HUWE1: variants seen among roughly 807,000 people sequenced by gnomAD.
The protein encoded by HUWE1 is E3 ubiquitin-protein ligase HUWE1.
A neutral mutation model predicts 299.4 loss-of-function variants in HUWE1; 18 were observed. The observed-to-expected ratio is 0.06, with a 90% CI of 0.04 to 0.09. HUWE1 has a LOEUF of 0.09. Among genes scored for constraint, HUWE1 ranks in the 10% least tolerant of loss-of-function variants. The pLI is 1.00. For missense variants in HUWE1, 1,832 were observed against 3,462.3 expected (o/e 0.53, Z 11.82); for synonymous variants, 1,317 against 1,286.1 (o/e 1.02, Z -0.51).
At chrX:53,684,459 G>A (rs1456347641) in intron 2 of HUWE1, among the ~76,000 whole-genome samples, 1 of 112,191 alleles carries the variant, frequency 8.9e-6, no homozygotes, top group African/African-American at 3.2e-5. Flanking sequence ...ACCTCGCGAT[G>A]ACACAGCTCA....
chrX:53,643,499 A>G (rs1037611685), intron 7 of HUWE1, among the ~76,000 whole-genome samples: 6 of 110,858 alleles, frequency 5.4e-5, no homozygotes, highest in Non-Finnish European at 1.1e-4. Flanking sequence ...ACAAGTGCCC[A>G]CCACCACGTC....
chrX:53,679,901 A>G (rs1272092517), intron 3 of HUWE1, 148 bp downstream of exon 3: 30 of 288,607 alleles, frequency 1.0e-4, no homozygotes, highest in Non-Finnish European at 1.6e-4. Flanking sequence ...CTCCACTTTA[A>G]AAAAAGAAGC....
At position 53,632,572 on chromosome X, in the gene HUWE1, TAAAGCACATC is replaced by T. The variant is rs1569502797; in HGVS notation, c.568-18_568-9del. 1 of 1,147,533 alleles carries T rather than the reference TAAAGCACATC, an allele frequency of 8.7e-7. No homozygotes were observed. Among genetic ancestry groups the T allele is most frequent in the Admixed American group, 2.2e-5 (1 of 45,977 alleles). 94.6% of individuals were successfully genotyped at this position (1,147,533 alleles called of 1,213,427 possible). ...TGCACTGGGTGGATATTTCTGTGTA[TAAAGCACATC>T]AAAGAATCAGACATTGAGTTTCAAC... On this transcript the variant is annotated splice_polypyrimidine_tract_variant and intron_variant, in intron 8 of 83. Coordinates refer to ENST00000262854, the MANE Select transcript of HUWE1 (RefSeq NM_031407.7).
Position 53,554,655 on chromosome X carries a change from C to T in HUWE1, c.8472G>A (p.Glu2824=). The change falls in exon 61 of 84, where the codon GAG becomes GAA. Residue 2824 remains glutamate, a synonymous_variant. Transcript: ENST00000262854. ...CACTTATAGTGGGAGCTGGGGATAACTCCATCTGAGTTGTTTCTGCTTCCC... is the reference window on the plus strand; with the variant it reads ...CACTTATAGTGGGAGCTGGGGATAATTCCATCTGAGTTGTTTCTGCTTCCC... ...PSGEAETTQM[E]LSPAPTITSL... is the part of the protein sequence containing the mutation. The T allele has an allele frequency of 8.3e-7, 1 of 1,211,188 alleles. No individual in the cohort carries two copies. The highest frequency in any genetic ancestry group is 1.1e-6 in the Non-Finnish European group (1 of 895,349).
intron 74 of HUWE1, among the ~76,000 whole-genome samples, chrX:53,541,247 G>A (rs2147039708): frequency 8.9e-6 from 1 of 112,089 alleles, no homozygotes; most frequent in African/African-American, 3.2e-5. Context: ...AAAGAGGTTT[G>A]CCTCAGGTCC....
At chrX:53,546,984 G>T (rs782772033) in intron 68 of HUWE1, among the ~76,000 whole-genome samples, 159 bp from the exon 69 acceptor site, 29 of 112,129 alleles carry the variant, frequency 2.6e-4, no homozygotes, top group South Asian at 1.9e-3. Flanking sequence ...AATGACTTGG[G>T]ATGATAAAGG....
At position 53,589,662 on chromosome X, in the gene HUWE1, T is replaced by C; in HGVS notation, c.4346A>G (p.His1449Arg). The change falls in exon 36 of 84, where the codon CAC becomes CGC. Residue 1449 changes from histidine to arginine, a missense_variant. His to Arg is a conservative substitution (Grantham distance 29). Transcript: ENST00000262854. ...TGTGTCTGGCAGCTCATCAAGAAGG[T>C]GGAAGCAGCCTGGCAACATAGTATC... ...FTDTMLPGCF[H>R]LLDELPDTVY... is the part of the protein sequence containing the mutation. 8.3e-7 allele frequency: 1 copy of C among 1,211,573 alleles called. No homozygotes were observed. The highest frequency in any genetic ancestry group is 1.1e-6 in the Non-Finnish European group (1 of 895,423).
At chrX:53,667,148 C>G (rs1167444411) in intron 3 of HUWE1, among the ~76,000 whole-genome samples, 1 of 112,244 alleles carries the variant, frequency 8.9e-6, no homozygotes, top group Non-Finnish European at 1.9e-5. Context: ...AAGAGAATTA[C>G]AACTTCCTCA....
intron 25 of HUWE1, among the ~76,000 whole-genome samples, chrX:53,607,111 T>C (rs2065193362): frequency 1.8e-5 from 2 of 111,143 alleles, no homozygotes; most frequent in Non-Finnish European, 1.9e-5. Flanking sequence ...GAACTACATG[T>C]CAATTATGCT....
intron 3 of HUWE1, among the ~76,000 whole-genome samples, chrX:53,667,406 C>T (rs1333748700): frequency 1.8e-5 from 2 of 111,913 alleles, no homozygotes; most frequent in African/African-American, 3.2e-5. Context: ...TGTACCCAAC[C>T]GACCAAACAT....
Position 53,551,513 on chromosome X carries a change from C to T in HUWE1, c.8882-33G>A, listed in dbSNP as rs200131317. 6.5e-5 allele frequency: 73 copies of T among 1,123,193 alleles called. No individual in the cohort carries two copies. The South Asian group carries it at 1.2e-3, about 19-fold the overall frequency. 92.6% of individuals were successfully genotyped at this position (1,123,193 alleles called of 1,213,427 possible). ...GAGATATAACATGTAAAGGGATTCA[C>T]GCCTTATTAATTGCTTGAGACGGGG... On this transcript the variant is annotated intron_variant, in intron 63 of 83. Coordinates refer to ENST00000262854, the MANE Select transcript of HUWE1 (RefSeq NM_031407.7).
At chrX:53,538,718 ACACACACTCTCTCTCT>A in intron 76 of HUWE1, 101 bp downstream of exon 76, 1 of 694,798 alleles carries the variant, frequency 1.4e-6, no homozygotes, top group Non-Finnish European at 2.2e-6. Flanking sequence ...ACACACACAC[ACACACACTCTCTCTCT>A]CTCTCTCTCT....
chrX:53,628,701 G>T, intron 14 of HUWE1, 51 bp downstream of exon 14: 1 of 1,206,691 alleles, frequency 8.3e-7, no homozygotes. Context: ...AAAGACAAAG[G>T]CAGAGGGCAA....
chrX:53,600,622 C>A (rs2064773281), intron 28 of HUWE1, among the ~76,000 whole-genome samples: 1 of 112,472 alleles, frequency 8.9e-6, no homozygotes, highest in Non-Finnish European at 1.9e-5. Context: ...GCACAGTACC[C>A]AATGCTGTCA....
At chrX:53,548,346 G>T in intron 67 of HUWE1, 73 bp from the exon 68 acceptor site, 1 of 1,124,899 alleles carries the variant, frequency 8.9e-7, no homozygotes. Flanking sequence ...ATAGGGAAAA[G>T]ACAACTGGTT....
Position 53,545,059 on chromosome X carries a change from G to C in HUWE1, c.11018C>G (p.Thr3673Ser), listed in dbSNP as rs1556921577. The change falls in exon 71 of 84, where the codon ACC becomes AGC. Residue 3673 changes from threonine to serine, a missense_variant. By Grantham distance (58) the Thr-to-Ser change is moderately conservative. Coordinates refer to ENST00000262854, the MANE Select transcript of HUWE1 (RefSeq NM_031407.7). The stretch of plus-strand genomic sequence containing the variant: ...CTGCATTTTGCCCTTCAGCTTGGTG[G>C]TCTGTGGCTGCTCCTCAGGCAGGCC... ...PDGLPEEQPQ[T>S]TKLKGKMQSR... 1.7e-6 allele frequency: 2 copies of C among 1,210,416 alleles called. No homozygotes were observed. Among genetic ancestry groups the C allele is most frequent in the South Asian group, 3.5e-5 (2 of 56,739 alleles).
Position 53,549,470 on chromosome X carries a change from A to G in HUWE1, c.9524T>C (p.Leu3175Pro), listed in dbSNP as rs1556926645. 1 of 1,209,592 alleles carries G rather than the reference A, an allele frequency of 8.3e-7. No individual in the cohort carries two copies. The highest frequency in any genetic ancestry group is 1.1e-6 in the Non-Finnish European group (1 of 895,242). Residue 3175 changes from leucine to proline, a missense_variant, in exon 67 of 84, where the codon CTC (leucine) becomes CCC (proline). This residue lies in a region of HUWE1 where 91 missense variants were observed against 281.2 expected (regional missense o/e 0.32). Coordinates refer to ENST00000262854, the MANE Select transcript of HUWE1 (RefSeq NM_031407.7). Reference sequence around the variant, plus strand: ...GTGGTCCAGAAGGAGCCGTCCTCGGAGGCGGAGGAGAGTATCTACATTACT... The same window carrying G: ...GTGGTCCAGAAGGAGCCGTCCTCGGGGGCGGAGGAGAGTATCTACATTACT... Reference protein sequence around the residue: ...SGSNVDTLLRLRGRLLLDHEA... With the variant: ...SGSNVDTLLRPRGRLLLDHEA...
At position 53,538,776 on chromosome X, in the gene HUWE1, G is replaced by A. The variant is rs1602507471; in HGVS notation, c.11878+59C>T. ...CTCATCAACTAAGGATTAACTGTAT[G>A]AAACAATCCTGTTTAAAATGAAGCC... On this transcript the variant is annotated intron_variant, in intron 76 of 83. Coordinates refer to ENST00000262854, the MANE Select transcript of HUWE1 (RefSeq NM_031407.7). The A allele has an allele frequency of 4.7e-6, 5 of 1,058,902 alleles. No individual in the cohort carries two copies. In the East Asian group the frequency reaches 1.6e-4, roughly 34 times the overall value. The allele number at this position is 1,058,902 out of a possible 1,213,427, so 87.3% of individuals were successfully genotyped here. A position where few individuals can be genotyped will look rare whatever the true frequency, so the allele number is the denominator to read the frequency against.
At chrX:53,683,860 C>A in intron 2 of HUWE1, 1 of 136,835 alleles carries the variant, frequency 7.3e-6, no homozygotes, top group Non-Finnish European at 1.4e-5. Context: ...CCCCACCCCC[C>A]ACCCGCGAGC....
Sources: allele counts gnomAD v4.1 joint callset (sites outside exome capture counted in the v4.1 genomes callset), GRCh38; gene constraint gnomAD v4.1.1; regional missense constraint gnomAD v4.1.1; transcripts MANE v1.5; gene names NCBI Gene and HGNC (gene_info 2026-07-23, HGNC 2026-07-21).